Variants in PRELID2 observed in about 807,000 individuals in gnomAD.
PRELID2 encodes the protein PRELI domain containing 2, also known as PRELI domain-containing protein 2.
A neutral mutation model predicts 28.4 loss-of-function variants in PRELID2; 25 were observed. The observed-to-expected ratio is 0.88, with a 90% confidence interval of 0.64 to 1.23. The LOEUF (loss-of-function observed/expected upper bound fraction) is 1.23, where lower values mean the gene tolerates loss of function less well. Among genes scored for constraint, PRELID2 ranks in the 50% most tolerant of loss-of-function variants. PRELID2 has a pLI of 0.00. For synonymous variants in PRELID2, 76 were observed against 71.6 expected (o/e 1.06, Z -0.31); for missense variants, 201 against 214.4 (o/e 0.94, Z 0.39).
At chr5:145,717,301 T>A (rs1581093401) in intron 1 of PRELID2, among the ~76,000 whole-genome samples, 1 of 152,072 alleles carries the variant, frequency 6.6e-6, no homozygotes, top group South Asian at 2.1e-4. Flanking sequence ...GGCATGAGGT[T>A]TCTTTGAGGG....
chr5:145,521,186 C>A (rs1580966639), intron 1 of PRELID2, among the ~76,000 whole-genome samples: 1 of 152,152 alleles, frequency 6.6e-6, no homozygotes. Flanking sequence ...CCTAGTCATT[C>A]TTTTGTGGCA....
At chr5:145,771,809 C>T (rs753850368) in intron 5 of PRELID2, among the ~76,000 whole-genome samples, 8 of 151,786 alleles carry the variant, frequency 5.3e-5, no homozygotes, top group Non-Finnish European at 7.4e-5. Flanking sequence ...GAGCCGAGAT[C>T]GCACCACTGC....
the PRELID2 span, among the ~76,000 whole-genome samples, chr5:145,370,536 A>G: frequency 2.0e-5 from 3 of 152,088 alleles, no homozygotes; most frequent in Non-Finnish European, 4.4e-5. Flanking sequence ...CTTGTAGTAC[A>G]GTTTGAAGTC....
At chr5:145,301,854 C>A in the PRELID2 span, among the ~76,000 whole-genome samples, 1 of 151,604 alleles carries the variant, frequency 6.6e-6, no homozygotes, top group East Asian at 1.9e-4. Context: ...ACATCAAAAC[C>A]ATATAGTCTT....
chr5:145,575,332 TGCTGGAGACA>T (rs1753051599), intron 1 of PRELID2, among the ~76,000 whole-genome samples: 3 of 152,286 alleles, frequency 2.0e-5, no homozygotes, highest in African/African-American at 7.2e-5. Flanking sequence ...TGCTCTAACC[TGCTGGAGACA>T]GCTAATTTAT....
the PRELID2 span, among the ~76,000 whole-genome samples, chr5:145,399,618 C>A: frequency 6.6e-6 from 1 of 151,986 alleles, no homozygotes; most frequent in African/African-American, 2.4e-5. Context: ...AATAACTAAC[C>A]CTACAGAGAT....
chr5:145,471,871 T>A (rs1752057037), exon 3 of PRELID2: 1 of 152,242 alleles, frequency 6.6e-6, no homozygotes, highest in African/African-American at 2.4e-5. Context: ...CTGGGAGAGC[T>A]GGAGGAGCCA....
intron 1 of PRELID2, among the ~76,000 whole-genome samples, chr5:145,482,281 A>C (rs1175389160): frequency 2.0e-5 from 3 of 152,186 alleles, no homozygotes; most frequent in Non-Finnish European, 4.4e-5. Context: ...AGCAAGGGAG[A>C]ATGAAAAATG....
chr5:145,307,801 A>T, the PRELID2 span, among the ~76,000 whole-genome samples: 1 of 152,136 alleles, frequency 6.6e-6, no homozygotes, highest in Non-Finnish European at 1.5e-5. Flanking sequence ...AGGAAAAAAA[A>T]AAATTTGCTC....
chr5:145,376,827 T>C, the PRELID2 span, among the ~76,000 whole-genome samples: 1 of 152,130 alleles, frequency 6.6e-6, no homozygotes, highest in South Asian at 2.1e-4. Context: ...ATAATTTTTT[T>C]TGAAAGACAG....
intron 4 of PRELID2, among the ~76,000 whole-genome samples, chr5:145,816,609 T>C (rs1174307459): frequency 6.6e-6 from 1 of 152,208 alleles, no homozygotes. Flanking sequence ...TTTTGTATTC[T>C]ACATGAGGTA....
At chr5:145,352,629 T>A in the PRELID2 span, among the ~76,000 whole-genome samples, 1 of 152,216 alleles carries the variant, frequency 6.6e-6, no homozygotes, top group Non-Finnish European at 1.5e-5. Flanking sequence ...GGCCTCTCTT[T>A]ACTTATGCAA....
At chr5:145,392,024 C>A in the PRELID2 span, among the ~76,000 whole-genome samples, 3 of 152,120 alleles carry the variant, frequency 2.0e-5, no homozygotes, top group South Asian at 2.1e-4. Context: ...CCACATTTTC[C>A]TGTCTTCTTC....
chr5:145,331,328 T>C, the PRELID2 span, among the ~76,000 whole-genome samples: 1 of 152,190 alleles, frequency 6.6e-6, no homozygotes, highest in Admixed American at 6.5e-5. Flanking sequence ...CTGAATATCC[T>C]TGTAAATTTT....
chr5:145,826,464 G>T (rs1340510648), intron 1 of PRELID2, among the ~76,000 whole-genome samples: 1 of 152,148 alleles, frequency 6.6e-6, no homozygotes, highest in Non-Finnish European at 1.5e-5. Context: ...CTTTATGGAT[G>T]ATTTAAGGGA....
chr5:145,413,840 G>T, the PRELID2 span, among the ~76,000 whole-genome samples: 1 of 151,814 alleles, frequency 6.6e-6, no homozygotes, highest in African/African-American at 2.4e-5. Context: ...CCTAATGACC[G>T]GCAGTTCCCT....
chr5:145,736,913 C>G (rs1756511503), intron 1 of PRELID2, among the ~76,000 whole-genome samples: 1 of 151,964 alleles, frequency 6.6e-6, no homozygotes, highest in African/African-American at 2.4e-5. Flanking sequence ...AACAGATGAT[C>G]AAAATTTCAA....
At chr5:145,425,721 C>T in the PRELID2 span, among the ~76,000 whole-genome samples, 1 of 152,078 alleles carries the variant, frequency 6.6e-6, no homozygotes, top group Admixed American at 6.6e-5. Context: ...CATATGGACA[C>T]ATGGTGGGAA....
chr5:145,581,786 T>C (rs1753109825), intron 1 of PRELID2, among the ~76,000 whole-genome samples: 1 of 152,086 alleles, frequency 6.6e-6, no homozygotes, highest in Non-Finnish European at 1.5e-5. Context: ...ACCTGTGTAC[T>C]GCACAAGATA....
Sources: allele counts gnomAD v4.1 joint callset (sites outside exome capture counted in the v4.1 genomes callset), GRCh38; gene constraint gnomAD v4.1.1; transcripts MANE v1.5; gene names NCBI Gene and HGNC (gene_info 2026-07-23, HGNC 2026-07-21).